The following GRID2 variants were observed in gnomAD, a reference collection of about 807,000 sequenced individuals.
The protein encoded by GRID2 is glutamate receptor ionotropic, delta-2.
In GRID2, 33 loss-of-function variants were observed where a neutral mutation model predicts 114.8. The observed-to-expected ratio is 0.29, with a 90% CI of 0.22 to 0.38. GRID2 has a LOEUF of 0.38. GRID2 is among the 10% of genes least tolerant of loss of function. The pLI, the probability that GRID2 is intolerant of heterozygous loss-of-function variation, is 1.00. For missense variants in GRID2, 1,184 were observed against 1,257.7 expected (o/e 0.94, Z 0.89); for synonymous variants, 505 against 449.9 (o/e 1.12, Z -1.55).
intron 11 of GRID2, among the ~76,000 whole-genome samples, chr4:93,475,787 T>C (rs946111855): frequency 1.1e-4 from 16 of 152,126 alleles, no homozygotes; most frequent in Non-Finnish European, 1.5e-5. Flanking sequence ...ACTGATTGAT[T>C]GAATCTCTGA....
At chr4:92,992,641 A>C (rs972731077) in intron 2 of GRID2, among the ~76,000 whole-genome samples, 4 of 152,142 alleles carry the variant, frequency 2.6e-5, no homozygotes, top group Non-Finnish European at 5.9e-5. Flanking sequence ...ATTTCCATTT[A>C]AGCTTGGATC....
intron 13 of GRID2, among the ~76,000 whole-genome samples, chr4:93,614,167 A>T (rs13136142): frequency 6.6e-6 from 1 of 152,050 alleles, no homozygotes; most frequent in African/African-American, 2.4e-5. Context: ...GCCCTGCTTC[A>T]GCTCGCGCAC....
intron 2 of GRID2, among the ~76,000 whole-genome samples, chr4:93,035,240 G>A (rs1578808499): frequency 6.6e-6 from 1 of 151,906 alleles, no homozygotes; most frequent in Middle Eastern, 3.4e-3. Context: ...CAAGTAGCTG[G>A]GACTACAGGT....
chr4:92,658,062 T>C (rs1285620723), intron 2 of GRID2, among the ~76,000 whole-genome samples: 1 of 151,770 alleles, frequency 6.6e-6, no homozygotes, highest in Non-Finnish European at 1.5e-5. Context: ...GTTCTCCACT[T>C]TTTTACATGA....
chr4:93,354,022 TGCAC>T (rs1560531015), intron 8 of GRID2, among the ~76,000 whole-genome samples: 2 of 150,162 alleles, frequency 1.3e-5, no homozygotes. Context: ...AGCACACACA[TGCAC>T]ACACACACAC....
At chr4:93,608,295 T>A (rs28735212) in intron 13 of GRID2, among the ~76,000 whole-genome samples, 3 of 61,212 alleles carry the variant, frequency 4.9e-5, no homozygotes, top group African/African-American at 1.5e-4. Flanking sequence ...TATTTTTTTT[T>A]CTTTTTTTTT....
intron 2 of GRID2, among the ~76,000 whole-genome samples, chr4:92,940,408 C>G (rs556488252): frequency 6.8e-6 from 1 of 147,856 alleles, no homozygotes; most frequent in Admixed American, 7.2e-5. Context: ...ATTTTTTGTA[C>G]ATTGAGTTTG....
intron 1 of GRID2, among the ~76,000 whole-genome samples, chr4:92,322,373 GT>G (rs1234755277): frequency 6.6e-6 from 1 of 151,860 alleles, no homozygotes; most frequent in African/African-American, 2.4e-5. Context: ...GTATTGTCCA[GT>G]TTATTGTCCA....
chr4:93,201,715 C>A (rs1742124763), intron 4 of GRID2, among the ~76,000 whole-genome samples: 1 of 152,174 alleles, frequency 6.6e-6, no homozygotes, highest in African/African-American at 2.4e-5. Flanking sequence ...ACATTTATTA[C>A]TAGTGAGAAA....
At chr4:92,779,665 G>T (rs1252282053) in intron 2 of GRID2, among the ~76,000 whole-genome samples, 1 of 152,084 alleles carries the variant, frequency 6.6e-6, no homozygotes, top group Admixed American at 6.6e-5. Context: ...AATAAGGAAT[G>T]GGAGAAGGGC....
chr4:93,048,386 C>G (rs565792647), intron 2 of GRID2, among the ~76,000 whole-genome samples: 113 of 151,976 alleles, frequency 7.4e-4, no homozygotes, highest in African/African-American at 2.6e-3. Context: ...AGTGAGGGTC[C>G]TAGTCTGCCT....
At chr4:92,797,226 A>T (rs966748689) in intron 2 of GRID2, among the ~76,000 whole-genome samples, 15 of 152,134 alleles carry the variant, frequency 9.9e-5, no homozygotes, top group Middle Eastern at 3.4e-3. Context: ...TGCATTCAAC[A>T]TAATAAACAA....
At chr4:93,681,340 A>T (rs148313781) in intron 14 of GRID2, among the ~76,000 whole-genome samples, 2,008 of 151,694 alleles carry the variant, frequency 0.013, 66 homozygotes, top group African/African-American at 0.045. Context: ...TATCGTGAAA[A>T]TGACCATACT....
At position 93,092,370 on chromosome 4, in the gene GRID2, ACTTT is replaced by A. The variant is rs530678164; in HGVS notation, c.529+7093_529+7096del. On this transcript the variant is annotated intron_variant, in intron 3 of 15. Transcript: ENST00000282020. ...CACGACCTAAAAAAGTATCTACAAC[ACTTT>A]CAGGCAGTCCTAAGAAGTGATCAGA... is the stretch of plus-strand genomic sequence containing the variant. Among the ~76,000 whole-genome samples, 12 of 152,234 alleles carry A rather than the reference ACTTT, an allele frequency of 7.9e-5. No individual in the cohort carries two copies. The East Asian group carries it at 2.1e-3, about 27-fold the overall frequency.
chr4:93,748,627 TGTGTAACATATCATGC>T (rs1560970626), intron 14 of GRID2, among the ~76,000 whole-genome samples: 1 of 152,200 alleles, frequency 6.6e-6, no homozygotes, highest in Non-Finnish European at 1.5e-5. Flanking sequence ...TAAAGGCATG[TGTGTAACATATCATGC>T]GTACTCTCCT....
chr4:92,821,177 A>G (rs913332964), intron 2 of GRID2, among the ~76,000 whole-genome samples: 1 of 152,196 alleles, frequency 6.6e-6, no homozygotes, highest in Non-Finnish European at 1.5e-5. Flanking sequence ...TAGGCCAGAT[A>G]TTTCATAAAA....
intron 2 of GRID2, among the ~76,000 whole-genome samples, chr4:92,740,529 C>G (rs35137450): frequency 1.3e-5 from 2 of 152,222 alleles, no homozygotes; most frequent in African/African-American, 4.8e-5. Context: ...GAATGAAATT[C>G]CTTATCCCTC....
At chr4:93,676,927 C>G (rs1300941676) in intron 14 of GRID2, among the ~76,000 whole-genome samples, 1 of 151,980 alleles carries the variant, frequency 6.6e-6, no homozygotes, top group Non-Finnish European at 1.5e-5. Context: ...ACAGTGGGAG[C>G]AGGACAGTGG....
At chr4:92,642,269 G>A (rs1350205339) in intron 2 of GRID2, among the ~76,000 whole-genome samples, 2 of 151,636 alleles carry the variant, frequency 1.3e-5, no homozygotes, top group African/African-American at 4.8e-5. Context: ...CCAAAAGTAT[G>A]TAAGCATTCA....
Sources: gnomAD v4.1 joint callset for allele counts (sites outside exome capture counted in the v4.1 genomes callset) on GRCh38, gnomAD v4.1.1 for gene constraint, MANE v1.5 for transcripts, NCBI Gene and HGNC (gene_info 2026-07-23, HGNC 2026-07-21) for gene names.